MSI2: variants seen among roughly 807,000 people sequenced by gnomAD.
MSI2 encodes the protein RNA-binding protein Musashi homolog 2.
A neutral mutation model predicts 45.6 loss-of-function variants in MSI2; 17 were observed. The ratio of observed to expected loss-of-function variants is 0.37; its 90% CI spans 0.26 to 0.56. MSI2 has a LOEUF of 0.56. Among genes scored for constraint, MSI2 ranks in the 20% least tolerant of loss-of-function variants. The probability of loss-of-function intolerance (pLI) is 0.77; values close to 1 mark genes in which losing one functional copy is unlikely to be tolerated. For synonymous variants in MSI2, 156 were observed against 158.2 expected, an observed-to-expected ratio of 0.99 and a Z score of 0.11; for missense variants, 293 against 444.2, an observed-to-expected ratio of 0.66 and a Z score of 3.06.
chr17:57,288,895 C>T (rs1279475505), intron 5 of MSI2, among the ~76,000 whole-genome samples: 6 of 152,098 alleles, frequency 3.9e-5, no homozygotes, highest in Non-Finnish European at 5.9e-5. Flanking sequence ...GCGGCATCCC[C>T]GGCCTCTACC....
chr17:57,497,405 G>A (rs1012607325), intron 6 of MSI2, among the ~76,000 whole-genome samples: 5 of 152,210 alleles, frequency 3.3e-5, no homozygotes, highest in South Asian at 2.1e-4. Flanking sequence ...CAGGACTTTG[G>A]CAGGCAGCTG....
intron 7 of MSI2, among the ~76,000 whole-genome samples, chr17:57,581,133 C>T (rs1421806007): frequency 6.6e-6 from 1 of 151,232 alleles, no homozygotes; most frequent in Non-Finnish European, 1.5e-5. Flanking sequence ...CTGCCTCAGC[C>T]TCCCAAGTAG....
At chr17:57,338,726 T>C (rs1914887562) in intron 5 of MSI2, among the ~76,000 whole-genome samples, 1 of 152,210 alleles carries the variant, frequency 6.6e-6, no homozygotes, top group African/African-American at 2.4e-5. Context: ...GTCCCTGCTA[T>C]GGCTTTTTAT....
intron 6 of MSI2, among the ~76,000 whole-genome samples, chr17:57,415,972 G>A (rs2084286946): frequency 1.3e-5 from 2 of 152,206 alleles, no homozygotes; most frequent in Non-Finnish European, 2.9e-5. Context: ...ATGGCAAGGA[G>A]TCACAATATT....
chr17:57,577,464 G>A (rs1265717004), intron 7 of MSI2, among the ~76,000 whole-genome samples: 1 of 152,136 alleles, frequency 6.6e-6, no homozygotes, highest in African/African-American at 2.4e-5. Context: ...ATTTCAGGAG[G>A]ATTCTGTATA....
At chr17:57,533,049 A>G (rs2086852929) in intron 7 of MSI2, among the ~76,000 whole-genome samples, 2 of 152,208 alleles carry the variant, frequency 1.3e-5, no homozygotes, top group South Asian at 4.1e-4. Context: ...CCCAGGGCCC[A>G]TTCAGTCTCC....
intron 3 of MSI2, 82 bp downstream of exon 3, chr17:57,257,629 T>C: frequency 1.9e-6 from 2 of 1,038,248 alleles, no homozygotes; most frequent in Non-Finnish European, 1.5e-6. Flanking sequence ...CGGAAGTAGC[T>C]AAGCGGATTA....
chr17:57,472,924 C>T (rs1567844669), intron 6 of MSI2, among the ~76,000 whole-genome samples: 1 of 151,622 alleles, frequency 6.6e-6, no homozygotes, highest in Admixed American at 6.6e-5. Flanking sequence ...TGGAGCCTTG[C>T]TCTTGTCGCC....
intron 7 of MSI2, among the ~76,000 whole-genome samples, chr17:57,537,801 G>C (rs2086953177): frequency 6.6e-6 from 1 of 152,326 alleles, no homozygotes; most frequent in South Asian, 2.1e-4. Flanking sequence ...ACAGGGCTGG[G>C]GGACAGGGTG....
chr17:57,373,713 C>T (rs73325486), intron 5 of MSI2, among the ~76,000 whole-genome samples: 4,194 of 152,298 alleles, frequency 0.028, 205 homozygotes, highest in African/African-American at 0.097. Flanking sequence ...TTCAGAACCA[C>T]AGCCGCACTG....
chr17:57,411,450 C>G (rs192887526), intron 6 of MSI2, among the ~76,000 whole-genome samples: 1 of 152,290 alleles, frequency 6.6e-6, no homozygotes, highest in Non-Finnish European at 1.5e-5. Context: ...CCTGTTTGCC[C>G]GAACCGTTCA....
intron 13 of MSI2, among the ~76,000 whole-genome samples, chr17:57,677,839 C>T (rs1437013080): frequency 6.6e-6 from 1 of 152,140 alleles, no homozygotes; most frequent in Non-Finnish European, 1.5e-5. Context: ...CCTTGCCACA[C>T]ACTCCTTTGG....
Position 57,672,607 on chromosome 17 carries a change from TC to T in MSI2, c.791-2363del, listed in dbSNP as rs572578647. 4.4e-3 allele frequency among the ~76,000 whole-genome samples: 676 copies of T among 152,260 alleles called. 7 individuals carry two copies. The highest frequency in any genetic ancestry group is 0.015 in the African/African-American group (638 of 41,558). Reference sequence around the variant, plus strand: ...TGCCCAACACCTTCCTGGGTTCACATCCGGCCAGACAAGAAAGAAGCCAAAA... The same window carrying T: ...TGCCCAACACCTTCCTGGGTTCACATCGGCCAGACAAGAAAGAAGCCAAAA... On this transcript the variant is annotated intron_variant, in intron 11 of 13. Coordinates refer to ENST00000284073, the MANE Select transcript of MSI2 (RefSeq NM_138962.4).
chr17:57,578,992 A>G (rs1402741718), intron 7 of MSI2, among the ~76,000 whole-genome samples: 17 of 152,300 alleles, frequency 1.1e-4, no homozygotes. Flanking sequence ...AAGTCTTAAC[A>G]CCAGGCTGGG....
rs191555210 is a variant in MSI2 at position 57,466,721 on chromosome 17, A to G, written c.406-62955A>G. 3.8e-3 allele frequency among the ~76,000 whole-genome samples: 578 copies of G among 152,306 alleles called. 2 individuals are homozygous for G. The highest frequency in any genetic ancestry group is 0.013 in the African/African-American group (531 of 41,560). On this transcript the variant is annotated intron_variant, in intron 6 of 13. Coordinates refer to ENST00000284073, the MANE Select transcript of MSI2 (RefSeq NM_138962.4). ...TATTTAAAATATTCAGGAGTGTCCC[A>G]CAGGGTCTTGAACTTATAAGTGTCT...
chr17:57,490,281 C>G (rs997781806), intron 6 of MSI2, among the ~76,000 whole-genome samples: 1 of 152,238 alleles, frequency 6.6e-6, no homozygotes, highest in South Asian at 2.1e-4. Flanking sequence ...CCACAGAGAT[C>G]TCTCCTTTGT....
At chr17:57,347,665 C>T (rs544946619) in intron 5 of MSI2, among the ~76,000 whole-genome samples, 6 of 152,146 alleles carry the variant, frequency 3.9e-5, no homozygotes, top group African/African-American at 4.8e-5. Context: ...TTTCTACCCC[C>T]CTGAAAGCAA....
intron 5 of MSI2, among the ~76,000 whole-genome samples, chr17:57,320,148 G>A (rs891414311): frequency 3.9e-5 from 6 of 152,238 alleles, no homozygotes; most frequent in Middle Eastern, 3.4e-3. Context: ...ACTGTGTTCC[G>A]ATCGAAAGAA....
intron 6 of MSI2, chr17:57,448,205 G>A (rs2084934406): frequency 6.6e-6 from 1 of 152,194 alleles, no homozygotes; most frequent in Non-Finnish European, 1.5e-5. Flanking sequence ...GTGTGGGAAA[G>A]CAATCCCATG....
Sources: gnomAD v4.1 joint callset for allele counts (sites outside exome capture counted in the v4.1 genomes callset) on GRCh38, gnomAD v4.1.1 for gene constraint, MANE v1.5 for transcripts, NCBI Gene and HGNC (gene_info 2026-07-23, HGNC 2026-07-21) for gene names.